APBB2: variants seen among roughly 807,000 people sequenced by gnomAD.
APBB2 encodes Fe65-like 1.
APBB2 carries 38 observed loss-of-function variants against 82.5 expected under a neutral mutation model. The observed-to-expected ratio is 0.46, with a 90% CI of 0.36 to 0.60. APBB2 has a LOEUF of 0.60. APBB2 is among the 20% of genes least tolerant of loss of function. APBB2 has a pLI of 0.00. For synonymous variants in APBB2, 341 were observed against 368.2 expected (o/e 0.93, Z 0.85); for missense variants, 772 against 972.3 (o/e 0.79, Z 2.74).
intron 6 of APBB2, among the ~76,000 whole-genome samples, chr4:40,979,606 T>C (rs1797997070): frequency 6.6e-6 from 1 of 152,212 alleles, no homozygotes; most frequent in Non-Finnish European, 1.5e-5. Context: ...GCAGCAGATA[T>C]TCCCATGCTG....
At chr4:40,886,208 G>A (rs1770206625) in intron 12 of APBB2, among the ~76,000 whole-genome samples, 1 of 152,260 alleles carries the variant, frequency 6.6e-6, no homozygotes, top group Non-Finnish European at 1.5e-5. Context: ...GCTGGGCGCA[G>A]TGGCCCACGC....
chr4:41,061,709 T>C (rs1208239723), intron 4 of APBB2, among the ~76,000 whole-genome samples: 1 of 152,250 alleles, frequency 6.6e-6, no homozygotes, highest in Non-Finnish European at 1.5e-5. Flanking sequence ...AGAACAGCTC[T>C]AGCTATTTAC....
chr4:40,877,975 A>C (rs909557829), intron 12 of APBB2, among the ~76,000 whole-genome samples: 4 of 152,138 alleles, frequency 2.6e-5, no homozygotes, highest in African/African-American at 9.7e-5. Flanking sequence ...GCAGAGAAAA[A>C]GCAGCCCTTG....
chr4:40,933,654 G>A (rs1296563536), intron 10 of APBB2, among the ~76,000 whole-genome samples: 2 of 152,206 alleles, frequency 1.3e-5, no homozygotes, highest in African/African-American at 2.4e-5. Context: ...AAGTCTCTAC[G>A]TAGGGAGGGA....
chr4:40,982,416 A>AGGAAAGGAAAGGAAAGGAAAG, intron 6 of APBB2, among the ~76,000 whole-genome samples: 1 of 110,458 alleles, frequency 9.1e-6, no homozygotes, highest in African/African-American at 3.6e-5. Flanking sequence ...AAAGAAAGAA[A>AGGAAAGGAAAGGAAAGGAAAG]GAAAGAAAGA....
chr4:41,181,946 AAAAAAAAAAAAAAAAG>A (rs974629338), intron 1 of APBB2, among the ~76,000 whole-genome samples: 15 of 149,658 alleles, frequency 1.0e-4, no homozygotes, highest in Admixed American at 2.7e-4. Context: ...CTGTCTCAAA[AAAAAAAAAAAAAAAAG>A]AAAAAGAAAA....
chr4:41,038,116 A>G (rs954512413), intron 4 of APBB2, among the ~76,000 whole-genome samples: 8 of 152,138 alleles, frequency 5.3e-5, no homozygotes, highest in Non-Finnish European at 7.4e-5. Flanking sequence ...TAATGCTGAT[A>G]TGCCTTATGA....
intron 6 of APBB2, among the ~76,000 whole-genome samples, chr4:40,977,618 A>G (rs1311186340): frequency 6.6e-6 from 1 of 152,158 alleles, no homozygotes; most frequent in Non-Finnish European, 1.5e-5. Context: ...TGGTCTCAAT[A>G]AACTTTTAAA....
intron 10 of APBB2, among the ~76,000 whole-genome samples, chr4:40,928,480 G>T (rs1386007607): frequency 2.6e-5 from 4 of 152,136 alleles, no homozygotes; most frequent in Admixed American, 2.6e-4. Context: ...TTGGGAGGCT[G>T]AGGCAGGAGA....
rs995487424 is a variant in APBB2, at chr4:40,812,997, A to C, written c.*3095T>G. On this transcript the variant is annotated 3_prime_UTR_variant, in exon 18 of 18. Transcript: ENST00000508593. ...CAAGCAGTGCTTTAGTCTGCAAAGG[A>C]AAGTTTTTAGCCATAGGCATGTTGG... 1 of 152,256 alleles carries C rather than the reference A, an allele frequency of 6.6e-6. No homozygotes were observed. Among genetic ancestry groups the C allele is most frequent in the Non-Finnish European group, 1.5e-5 (1 of 68,040 alleles). The allele number at this position is 152,256 out of a possible 1,614,324, so 9.4% of individuals were successfully genotyped here. A position where few individuals can be genotyped will look rare whatever the true frequency, so the allele number is the denominator to read the frequency against.
rs546597074 is a variant in APBB2 at position 41,067,681 on chromosome 4, A to G, written c.-148-2008T>C. 2.0e-5 allele frequency among the ~76,000 whole-genome samples: 3 copies of G among 152,318 alleles called. No homozygotes were observed. In the East Asian group the frequency reaches 5.8e-4, roughly 29 times the overall value. ...GAAAACCATCTTTTGAAGAAGACCC[A>G]GGAAGAATGGTAGAGAGGTACCACG... On this transcript the variant is annotated intron_variant, in intron 3 of 17. Coordinates refer to ENST00000508593, the MANE Select transcript of APBB2 (RefSeq NM_004307.2).
chr4:41,088,622 AG>A (rs1225670606), intron 3 of APBB2, among the ~76,000 whole-genome samples: 1 of 152,220 alleles, frequency 6.6e-6, no homozygotes, highest in African/African-American at 2.4e-5. Context: ...TTTGATGCTT[AG>A]ATTCTATATC....
chr4:40,898,880 C>CAGAGAGAGAGAGAGAGAGAGAGAG (rs35370837), intron 10 of APBB2, among the ~76,000 whole-genome samples: 3 of 149,636 alleles, frequency 2.0e-5, no homozygotes, highest in South Asian at 2.1e-4. Context: ...CACACACACA[C>CAGAGAGAGAGAGAGAGAGAGAGAG]AGAACACTGG....
intron 6 of APBB2, among the ~76,000 whole-genome samples, chr4:40,945,658 G>C (rs181744937): frequency 3.9e-5 from 6 of 152,126 alleles, no homozygotes; most frequent in Admixed American, 3.3e-4. Flanking sequence ...TGTCACCCAG[G>C]CTGGAGTGCA....
At chr4:41,012,763 A>G (rs1808750142) in intron 6 of APBB2, among the ~76,000 whole-genome samples, 1 of 152,214 alleles carries the variant, frequency 6.6e-6, no homozygotes, top group Non-Finnish European at 1.5e-5. Context: ...TTAAAAAATT[A>G]GCCTTTCTGA....
intron 6 of APBB2, among the ~76,000 whole-genome samples, chr4:40,946,192 G>A (rs940621800): frequency 1.1e-4 from 15 of 135,694 alleles, no homozygotes; most frequent in African/African-American, 3.3e-4. Flanking sequence ...AGATCACACC[G>A]TTGCGCTCCA....
chr4:40,867,588 G>A (rs1372407322), intron 12 of APBB2, among the ~76,000 whole-genome samples: 1 of 152,178 alleles, frequency 6.6e-6, no homozygotes, highest in African/African-American at 2.4e-5. Flanking sequence ...CATTTAGTAG[G>A]TGAGTGAAGA....
intron 6 of APBB2, among the ~76,000 whole-genome samples, chr4:40,949,963 G>A (rs4380555): frequency 0.025 from 3,764 of 152,170 alleles, 165 homozygotes; most frequent in African/African-American, 0.085. Flanking sequence ...GGTGAGATTC[G>A]GCACTGGACA....
intron 10 of APBB2, among the ~76,000 whole-genome samples, chr4:40,896,708 G>A (rs941490324): frequency 1.2e-4 from 19 of 152,168 alleles, no homozygotes; most frequent in African/African-American, 4.1e-4. Context: ...TAGTTCTGGG[G>A]TATCCCTGTC....
Sources: gnomAD v4.1 joint callset for allele counts (sites outside exome capture counted in the v4.1 genomes callset) on GRCh38, gnomAD v4.1.1 for gene constraint, MANE v1.5 for transcripts, NCBI Gene and HGNC (gene_info 2026-07-23, HGNC 2026-07-21) for gene names.